The following RGS8 variants were observed in gnomAD, a reference collection of about 807,000 sequenced individuals.
RGS8 encodes regulator of G protein signaling 8.
Under a neutral mutation model 21.7 loss-of-function variants are expected in RGS8, and 8 were observed. The observed-to-expected ratio is 0.37, with a 90% CI of 0.22 to 0.66. RGS8 has a LOEUF of 0.66. Ranked by LOEUF, RGS8 falls within the 30% of genes least tolerant of loss-of-function variation. The pLI, the probability that RGS8 is intolerant of heterozygous loss-of-function variation, is 0.59. For missense variants in RGS8, 157 were observed against 217.9 expected, an observed-to-expected ratio of 0.72 and a Z score of 1.76; for synonymous variants, 80 against 83.6, an observed-to-expected ratio of 0.96 and a Z score of 0.24.
chr1:182,710,198 C>G, the RGS8 span, among the ~76,000 whole-genome samples: 1 of 152,156 alleles, frequency 6.6e-6, no homozygotes, highest in Non-Finnish European at 1.5e-5. Flanking sequence ...CCCTCTCCTC[C>G]TACAAATAAG....
chr1:182,737,559 T>C, the RGS8 span, among the ~76,000 whole-genome samples: 11 of 152,164 alleles, frequency 7.2e-5, no homozygotes, highest in African/African-American at 2.7e-4. Flanking sequence ...CCACACACTC[T>C]CTTGCCTGCT....
intron 5 of RGS8, among the ~76,000 whole-genome samples, chr1:182,655,694 G>T (rs555848821): frequency 5.9e-5 from 9 of 152,298 alleles, no homozygotes; most frequent in African/African-American, 1.9e-4. Flanking sequence ...AAGGGGGTTG[G>T]ATATGATGAG....
the RGS8 span, among the ~76,000 whole-genome samples, chr1:182,722,052 C>A: frequency 6.6e-6 from 1 of 152,150 alleles, no homozygotes; most frequent in Admixed American, 6.5e-5. Context: ...AGAGCTGTAG[C>A]ACCACAGGTT....
chr1:182,737,886 C>T, the RGS8 span, among the ~76,000 whole-genome samples: 4 of 152,148 alleles, frequency 2.6e-5, no homozygotes, highest in African/African-American at 7.2e-5. Flanking sequence ...AACAACCACA[C>T]GAGTGAATTT....
chr1:182,672,951 G>A (rs1664233823), upstream of RGS8: 1 of 1,175,632 alleles, frequency 8.5e-7, no homozygotes, highest in Non-Finnish European at 1.3e-6. Context: ...TATCAGAAAT[G>A]CAAATGTTCA....
chr1:182,671,786 A>G (rs989025876), intron 1 of RGS8, 56 bp from the exon 3 acceptor site: 23 of 1,610,428 alleles, frequency 1.4e-5, no homozygotes, highest in Non-Finnish European at 1.7e-5. Flanking sequence ...AGTGAAGGGC[A>G]TGTGTGCATG....
chr1:182,693,518 G>C, the RGS8 span, among the ~76,000 whole-genome samples: 2 of 152,228 alleles, frequency 1.3e-5, no homozygotes, highest in Non-Finnish European at 2.9e-5. Context: ...ACACACAATT[G>C]GTGGGAGTGT....
the RGS8 span, among the ~76,000 whole-genome samples, chr1:182,720,024 G>A: frequency 6.6e-6 from 1 of 152,124 alleles, no homozygotes; most frequent in African/African-American, 2.4e-5. Flanking sequence ...TGCTTCTTCA[G>A]AAATATGTTT....
chr1:182,681,997 G>A lies in RGS8; in HGVS notation n.221+2359C>T, dbSNP rs192816522. The stretch of plus-strand genomic sequence containing the variant: ...ATGATGATGCTGATATTTCTTGGAC[G>A]TGAAAAATACCCCCCAGGCACAGAG... On this transcript the variant is annotated intron_variant and non_coding_transcript_variant, in intron 1 of 4. Transcript: ENST00000515211. 6.8e-4 allele frequency among the ~76,000 whole-genome samples: 104 copies of A among 152,278 alleles called. 1 individual carries two copies. The highest frequency in any genetic ancestry group is 2.3e-3 in the African/African-American group (94 of 41,538).
chr1:182,750,627 T>C, the RGS8 span, among the ~76,000 whole-genome samples: 5 of 152,226 alleles, frequency 3.3e-5, no homozygotes, highest in Admixed American at 2.0e-4. Context: ...CCACCAAAAT[T>C]TCTCCATCAA....
At chr1:182,745,243 G>A in the RGS8 span, among the ~76,000 whole-genome samples, 5 of 152,082 alleles carry the variant, frequency 3.3e-5, no homozygotes, top group East Asian at 1.9e-4. Flanking sequence ...GACAGAAGTC[G>A]AACATAAGCT....
At chr1:182,697,250 A>G in the RGS8 span, among the ~76,000 whole-genome samples, 4 of 152,216 alleles carry the variant, frequency 2.6e-5, no homozygotes, top group African/African-American at 9.6e-5. Context: ...ATCTACCACA[A>G]TCTTGGTACT....
At chr1:182,647,978 T>C (rs1342856019) in intron 6 of RGS8, among the ~76,000 whole-genome samples, 159 bp downstream of exon 7, 2 of 152,188 alleles carry the variant, frequency 1.3e-5, no homozygotes, top group African/African-American at 4.8e-5. Context: ...GGGTTTCAGT[T>C]TCTTAAAAAT....
chr1:182,685,130 C>T (rs1417678495), upstream of RGS8, among the ~76,000 whole-genome samples: 1 of 151,468 alleles, frequency 6.6e-6, no homozygotes, highest in Non-Finnish European at 1.5e-5. Context: ...GAGTGTAATG[C>T]ATGAAATGTT....
chr1:182,660,748 G>A (rs1209218209), intron 5 of RGS8, among the ~76,000 whole-genome samples: 3 of 151,360 alleles, frequency 2.0e-5, no homozygotes, highest in Non-Finnish European at 4.4e-5. Flanking sequence ...ATGTGCCTTT[G>A]AGAACAGGGT....
At chr1:182,689,208 C>T (rs1664767879), upstream of RGS8, among the ~76,000 whole-genome samples, 1 of 151,734 alleles carries the variant, frequency 6.6e-6, no homozygotes, top group Admixed American at 6.6e-5. Flanking sequence ...AGATCTAAAT[C>T]TCTCCCTAAC....
chr1:182,730,017 A>C, the RGS8 span, among the ~76,000 whole-genome samples: 4 of 152,230 alleles, frequency 2.6e-5, no homozygotes, highest in African/African-American at 9.6e-5. Flanking sequence ...CCCTAACTTC[A>C]GGCATATAAG....
At chr1:182,721,038 T>TACAC in the RGS8 span, among the ~76,000 whole-genome samples, 2 of 49,332 alleles carry the variant, frequency 4.1e-5, no homozygotes, top group Non-Finnish European at 8.9e-5. Context: ...TGTGTATATA[T>TACAC]ACATATACAT....
At chr1:182,720,351 G>A in the RGS8 span, among the ~76,000 whole-genome samples, 4 of 152,198 alleles carry the variant, frequency 2.6e-5, no homozygotes, top group Admixed American at 2.0e-4. Context: ...AAGTTATCTC[G>A]CAAAAATCTT....
Sources: allele counts gnomAD v4.1 joint callset (sites outside exome capture counted in the v4.1 genomes callset), GRCh38; gene constraint gnomAD v4.1.1; transcripts MANE v1.5; gene names NCBI Gene and HGNC (gene_info 2026-07-23, HGNC 2026-07-21).